Variants in STARD13 observed in about 807,000 individuals in gnomAD.
STARD13 encodes the protein StAR related lipid transfer domain containing 13, also known as stAR-related lipid transfer protein 13.
In STARD13, 62 loss-of-function variants were observed where a neutral mutation model predicts 106.4. That is an observed-to-expected ratio of 0.58 (90% CI 0.48 to 0.72). The LOEUF (loss-of-function observed/expected upper bound fraction) is 0.72, where lower values mean the gene tolerates loss of function less well. Among genes scored for constraint, STARD13 ranks in the 30% least tolerant of loss-of-function variants. The probability of loss-of-function intolerance (pLI) is 0.00; values close to 1 mark genes in which losing one functional copy is unlikely to be tolerated. For missense variants in STARD13, 1,387 were observed against 1,424.0 expected (o/e 0.97, Z 0.42); for synonymous variants, 565 against 553.0 (o/e 1.02, Z -0.31).
chr13:33,595,195 T>A, the STARD13 span, among the ~76,000 whole-genome samples: 3 of 152,220 alleles, frequency 2.0e-5, no homozygotes, highest in African/African-American at 7.2e-5. Flanking sequence ...AATGCATGCA[T>A]GCTTATTGGG....
In STARD13 at chr13:33,118,178, T is replaced by C; in HGVS notation, c.2168A>G (p.Tyr723Cys). Residue 723 changes from tyrosine to cysteine, a missense_variant, in exon 8 of 14, where the codon TAT (tyrosine) becomes TGT (cysteine). Coordinates refer to ENST00000336934, the MANE Select transcript of STARD13 (RefSeq NM_178006.4). The stretch of plus-strand genomic sequence containing the variant: ...CACATCATAAGCAGACTGGTCTTCA[T>C]AGTTGACGTTCTCAGGGAAGTTTTC... ...MNENFPENVN[Y>C]EDQSAYDVAD... 4 of 1,614,214 alleles carry C rather than the reference T, an allele frequency of 2.5e-6. No homozygotes were observed. The highest frequency in any genetic ancestry group is 2.5e-6 in the Non-Finnish European group (3 of 1,180,020).
chr13:33,419,563 C>T, the STARD13 span, among the ~76,000 whole-genome samples: 1 of 152,122 alleles, frequency 6.6e-6, no homozygotes, highest in Admixed American at 6.5e-5. Flanking sequence ...ACTTCCCCAA[C>T]CTAGCAAGGC....
At chr13:33,628,106 A>G in the STARD13 span, among the ~76,000 whole-genome samples, 1 of 150,866 alleles carries the variant, frequency 6.6e-6, no homozygotes, top group Non-Finnish European at 1.5e-5. Context: ...ATGAGTTGGG[A>G]TAAATATATC....
chr13:33,674,432 C>G, the STARD13 span, among the ~76,000 whole-genome samples: 2 of 152,198 alleles, frequency 1.3e-5, no homozygotes, highest in African/African-American at 4.8e-5. Context: ...ATGACATATT[C>G]TTTAAATGTG....
At chr13:33,349,110 C>T (rs948201666) in exon 2 of STARD13, 4 of 702,256 alleles carry the variant, frequency 5.7e-6, no homozygotes, top group Admixed American at 4.0e-5. Flanking sequence ...GGTTAAATCT[C>T]CCGCTTCACC....
At chr13:33,360,003 T>C in the STARD13 span, among the ~76,000 whole-genome samples, 2 of 152,224 alleles carry the variant, frequency 1.3e-5, no homozygotes, top group Non-Finnish European at 2.9e-5. Flanking sequence ...TCAAAATAAC[T>C]GGTCTCTGAT....
intron 1 of STARD13, among the ~76,000 whole-genome samples, chr13:33,332,262 T>G (rs1176117714): frequency 6.6e-6 from 1 of 152,206 alleles, no homozygotes; most frequent in Non-Finnish European, 1.5e-5. Flanking sequence ...TAGAACATTC[T>G]TTCTCCCAGA....
At chr13:33,650,178 T>G in the STARD13 span, among the ~76,000 whole-genome samples, 2 of 73,360 alleles carry the variant, frequency 2.7e-5, no homozygotes, top group African/African-American at 1.8e-4. Context: ...TTTTTTTTTT[T>G]TTTTTTTTTT....
chr13:33,415,462 T>G, the STARD13 span, among the ~76,000 whole-genome samples: 1 of 152,334 alleles, frequency 6.6e-6, no homozygotes, highest in East Asian at 1.9e-4. Context: ...TTATAATTTA[T>G]ATATCTTTAT....
At chr13:33,154,826 T>C (rs143444245) in intron 3 of STARD13, among the ~76,000 whole-genome samples, 49 of 152,288 alleles carry the variant, frequency 3.2e-4, no homozygotes, top group African/African-American at 1.2e-3. Flanking sequence ...TGACTAGCGA[T>C]TTCTGAGAGA....
upstream of STARD13, among the ~76,000 whole-genome samples, chr13:33,287,549 G>A (rs183504328): frequency 9.2e-5 from 14 of 152,246 alleles, no homozygotes; most frequent in Middle Eastern, 0.01. Flanking sequence ...CCATAGCATC[G>A]TCTGTGGAAG....
chr13:33,111,759 G>T lies in STARD13; in HGVS notation c.2607+19C>A, dbSNP rs777510685. On this transcript the variant is annotated intron_variant, in intron 10 of 13. Transcript: ENST00000336934. Reference sequence around the variant, plus strand: ...TCCAAGAGCTACTAGGGAGGCGGAGGTTCGAGCCTTTTGCTCACCTCAAAA... The same window carrying T: ...TCCAAGAGCTACTAGGGAGGCGGAGTTTCGAGCCTTTTGCTCACCTCAAAA... 20 of 1,534,216 alleles carry T rather than the reference G, an allele frequency of 1.3e-5. No individual in the cohort carries two copies. The highest frequency in any genetic ancestry group is 4.1e-5 in the African/African-American group (3 of 73,250).
chr13:33,373,791 T>C, the STARD13 span, among the ~76,000 whole-genome samples: 1 of 149,530 alleles, frequency 6.7e-6, no homozygotes, highest in East Asian at 2.0e-4. Context: ...ACATAGAAAA[T>C]AAGTGTTGGT....
chr13:33,136,300 C>T (rs520000), intron 4 of STARD13, among the ~76,000 whole-genome samples: 40,551 of 152,036 alleles, frequency 0.27, 5,750 homozygotes, highest in South Asian at 0.4. Context: ...ATCACATATA[C>T]GCACACTTTC....
the STARD13 span, among the ~76,000 whole-genome samples, chr13:33,672,127 T>C: frequency 6.6e-6 from 1 of 152,154 alleles, no homozygotes; most frequent in South Asian, 2.1e-4. Context: ...CAAATGCCCA[T>C]CAATGATAGA....
At chr13:33,121,814 G>A (rs1240350365) in intron 7 of STARD13, among the ~76,000 whole-genome samples, 1 of 151,322 alleles carries the variant, frequency 6.6e-6, no homozygotes, top group Admixed American at 6.6e-5. Flanking sequence ...CAAGTAGCTA[G>A]GATTACAGGT....
chr13:33,373,510 A>G, the STARD13 span, among the ~76,000 whole-genome samples: 1 of 152,130 alleles, frequency 6.6e-6, no homozygotes, highest in Non-Finnish European at 1.5e-5. Context: ...CACTGCAGAG[A>G]AAAAACGCCA....
chr13:33,124,778 AT>A (rs894818256), intron 7 of STARD13, among the ~76,000 whole-genome samples: 2 of 152,190 alleles, frequency 1.3e-5, no homozygotes, highest in African/African-American at 4.8e-5. Context: ...TTGGGATGTG[AT>A]TCACAAGTCA....
intron 1 of STARD13, among the ~76,000 whole-genome samples, chr13:33,215,659 T>C (rs1016030539): frequency 6.6e-6 from 1 of 152,186 alleles, no homozygotes; most frequent in African/African-American, 2.4e-5. Flanking sequence ...CAGAGAAATC[T>C]CATTTTCTAG....
Sources: allele counts gnomAD v4.1 joint callset (sites outside exome capture counted in the v4.1 genomes callset), GRCh38; gene constraint gnomAD v4.1.1; transcripts MANE v1.5; gene names NCBI Gene and HGNC (gene_info 2026-07-23, HGNC 2026-07-21).